RREB1: variants seen among roughly 807,000 people sequenced by gnomAD.
The protein encoded by RREB1 is ras-responsive element-binding protein 1.
In RREB1, 27 loss-of-function variants were observed where a neutral mutation model predicts 117.8. The ratio of observed to expected loss-of-function variants is 0.23; its 90% CI spans 0.17 to 0.32. RREB1 has a LOEUF of 0.32. Ranked by LOEUF, RREB1 falls within the 10% of genes least tolerant of loss-of-function variation. The pLI, the probability that RREB1 is intolerant of heterozygous loss-of-function variation, is 1.00. For missense variants in RREB1, 2,577 were observed against 2,378.2 expected, an observed-to-expected ratio of 1.08 and a Z score of -1.74; for synonymous variants, 1,298 against 1,026.7, an observed-to-expected ratio of 1.26 and a Z score of -5.05.
intron 1 of RREB1, among the ~76,000 whole-genome samples, chr6:7,169,832 A>G (rs1254314796): frequency 1.3e-5 from 2 of 152,176 alleles, no homozygotes; most frequent in Non-Finnish European, 2.9e-5. Flanking sequence ...TTTATCTGGC[A>G]TTGTCCAGAA....
intron 11 of RREB1, among the ~76,000 whole-genome samples, chr6:7,242,707 G>GGC (rs1554128722): frequency 1.2e-4 from 18 of 151,374 alleles, no homozygotes; most frequent in Admixed American, 1.1e-3. Flanking sequence ...AAAAGGGGGG[G>GGC]GGGGAAGGAA....
chr6:7,229,730 C>T lies in RREB1; in HGVS notation c.1631C>T (p.Pro544Leu). 1 of 1,601,236 alleles carries T rather than the reference C, an allele frequency of 6.2e-7. No homozygotes were observed. Among genetic ancestry groups the T allele is most frequent in the Non-Finnish European group, 8.5e-7 (1 of 1,171,716 alleles). The change falls in exon 10 of 13, where the codon CCA becomes CTA. Residue 544 changes from proline to leucine, a missense_variant. Transcript: ENST00000379938. The surrounding 1 kb of genome is among the most constrained non-coding windows in gnomAD (Gnocchi z 4.5). Reference protein sequence around the residue: ...SPGCISPSLPPPPLKLLKGSV... With the variant: ...SPGCISPSLPLPPLKLLKGSV... ...GGCTGTATCAGCCCCAGCCTGCCGC[C>T]ACCGCCCCTGAAGCTCCTCAAAGGC...
In RREB1 at chr6:7,231,674, A is replaced by G. The variant is rs2113123536; in HGVS notation, c.3575A>G (p.Lys1192Arg). 3.1e-6 allele frequency: 5 copies of G among 1,611,510 alleles called. No homozygotes were observed. Among genetic ancestry groups the G allele is most frequent in the Non-Finnish European group, 4.2e-6 (5 of 1,178,340 alleles). The part of the protein sequence containing the change: ...EKMLATTDTN[K>R]FSPFLQTAED... ...ATGCTGGCCACCACAGACACCAACA[A>G]GTTCAGTCCGTTTCTGCAGACAGCG... Residue 1192 changes from lysine (K) to arginine (R), a missense_variant, in exon 10 of 13, where the codon AAG becomes AGG. Lys to Arg is a conservative substitution (Grantham distance 26). Transcript: ENST00000379938.
chr6:7,137,525 C>A (rs184529671), intron 1 of RREB1, among the ~76,000 whole-genome samples: 2 of 152,326 alleles, frequency 1.3e-5, no homozygotes, highest in East Asian at 3.9e-4. Context: ...GGATGCCAAA[C>A]ACATAGGCAG....
At chr6:7,248,097 A>G (rs975444281) in intron 12 of RREB1, among the ~76,000 whole-genome samples, 1 of 152,222 alleles carries the variant, frequency 6.6e-6, no homozygotes, top group African/African-American at 2.4e-5. Context: ...CCGCTGCACC[A>G]CATCGCAATG....
intron 6 of RREB1, among the ~76,000 whole-genome samples, chr6:7,200,406 A>T (rs1344755286): frequency 6.6e-6 from 1 of 151,736 alleles, no homozygotes; most frequent in Non-Finnish European, 1.5e-5. Flanking sequence ...AGTAGCTGGG[A>T]TAACAGGCAT....
chr6:7,245,753 T>A (rs553359916), intron 11 of RREB1, among the ~76,000 whole-genome samples: 11 of 152,138 alleles, frequency 7.2e-5, no homozygotes, highest in Non-Finnish European at 1.5e-4. Flanking sequence ...TGTGTGCTGT[T>A]GCCAAGCCTG....
chr6:7,151,152 GC>G (rs755065818), intron 1 of RREB1, among the ~76,000 whole-genome samples: 3 of 152,214 alleles, frequency 2.0e-5, no homozygotes, highest in Admixed American at 6.5e-5. Flanking sequence ...TGTTTTAAAA[GC>G]TTTGCCCCCT....
chr6:7,243,983 C>A (rs1432142885), intron 11 of RREB1, among the ~76,000 whole-genome samples: 1 of 152,034 alleles, frequency 6.6e-6, no homozygotes, highest in Admixed American at 6.6e-5. Flanking sequence ...AATTACCAGT[C>A]GGGCGTGGTG....
intron 6 of RREB1, among the ~76,000 whole-genome samples, chr6:7,206,827 TC>T (rs1321145596): frequency 4.9e-5 from 5 of 101,564 alleles, no homozygotes; most frequent in African/African-American, 1.9e-4. Flanking sequence ...GCAGCAAGCA[TC>T]TTGAGTCCCA....
At chr6:7,196,181 C>G (rs1231251131) in intron 6 of RREB1, among the ~76,000 whole-genome samples, 4 of 151,646 alleles carry the variant, frequency 2.6e-5, no homozygotes, top group Admixed American at 2.6e-4. Context: ...GATCTGGGCT[C>G]CACCCCAAAG....
chr6:7,225,717 C>T (rs762551153), intron 8 of RREB1, among the ~76,000 whole-genome samples: 3 of 152,144 alleles, frequency 2.0e-5, no homozygotes, highest in African/African-American at 7.2e-5. Context: ...TGGGTGGGAG[C>T]AGGAACTCAG....
At chr6:7,211,338 AGATGGATGGATGGATGGATG>A (rs555086914) in intron 7 of RREB1, among the ~76,000 whole-genome samples, 8 of 118,566 alleles carry the variant, frequency 6.7e-5, no homozygotes, top group South Asian at 3.3e-4. Context: ...ATGGATGGAC[AGATGGATGGATGGATGGATG>A]GATGGATGGA....
At chr6:7,141,795 T>G (rs1762605949) in intron 1 of RREB1, among the ~76,000 whole-genome samples, 1 of 152,156 alleles carries the variant, frequency 6.6e-6, no homozygotes, top group African/African-American at 2.4e-5. Flanking sequence ...GCGGGGCGTG[T>G]GTAGGACAGA....
chr6:7,235,396 G>A (rs1056827352), intron 10 of RREB1, among the ~76,000 whole-genome samples: 1 of 152,198 alleles, frequency 6.6e-6, no homozygotes, highest in African/African-American at 2.4e-5. Context: ...TTTGAAAAAA[G>A]TCTTGAGTGT....
chr6:7,110,861 A>G (rs905242692), intron 1 of RREB1, among the ~76,000 whole-genome samples: 3 of 152,082 alleles, frequency 2.0e-5, no homozygotes, highest in Non-Finnish European at 1.5e-5. Context: ...GTGGAATATC[A>G]TTCTCTGGGT....
intron 8 of RREB1, among the ~76,000 whole-genome samples, chr6:7,222,769 C>G (rs1425732618): frequency 6.6e-6 from 1 of 151,748 alleles, no homozygotes; most frequent in Non-Finnish European, 1.5e-5. Context: ...CAAGGCCAGT[C>G]TGGGCAACAT....
intron 1 of RREB1, among the ~76,000 whole-genome samples, chr6:7,173,414 A>C (rs948063643): frequency 4.0e-5 from 6 of 151,448 alleles, no homozygotes; most frequent in Admixed American, 4.0e-4. Context: ...AATCACTTGA[A>C]CCCAGGAGGC....
intron 1 of RREB1, among the ~76,000 whole-genome samples, chr6:7,120,785 T>C (rs1761642903): frequency 6.6e-6 from 1 of 150,870 alleles, no homozygotes. Flanking sequence ...TAGCTGGGGC[T>C]ACAGGTGTGC....
Sources: allele counts gnomAD v4.1 joint callset (sites outside exome capture counted in the v4.1 genomes callset), GRCh38; gene constraint gnomAD v4.1.1; non-coding constraint Gnocchi (gnomAD v3.1); transcripts MANE v1.5; gene names NCBI Gene and HGNC (gene_info 2026-07-23, HGNC 2026-07-21).